Variants in TMOD1 observed in about 807,000 individuals in gnomAD.
TMOD1 encodes the protein tropomodulin-1.
Under a neutral mutation model 40.6 loss-of-function variants are expected in TMOD1, and 17 were observed. That is an observed-to-expected ratio of 0.42 (90% CI 0.29 to 0.63). The LOEUF is 0.63. TMOD1 is among the 20% of genes least tolerant of loss of function. The pLI is 0.22. For missense variants in TMOD1, 391 were observed against 447.6 expected, an observed-to-expected ratio of 0.87 and a Z score of 1.14; for synonymous variants, 181 against 175.0, an observed-to-expected ratio of 1.03 and a Z score of -0.27.
rs112120767 is a variant in TMOD1 at position 97,557,893 on chromosome 9, C to T, written c.397+4493C>T. On this transcript the variant is annotated intron_variant, in intron 4 of 9. Coordinates refer to ENST00000259365, the MANE Select transcript of TMOD1 (RefSeq NM_003275.4). The surrounding 1 kb of genome is among the most constrained non-coding windows in gnomAD (Gnocchi z 4.4). ...CTTAAAAAAAAAAAAAAATCAAGTTCCCCAGTGCTAAATTCAGCCTTGCCA... is the reference window on the plus strand; with the variant it reads ...CTTAAAAAAAAAAAAAAATCAAGTTTCCCAGTGCTAAATTCAGCCTTGCCA... 3.9e-5 allele frequency among the ~76,000 whole-genome samples: 6 copies of T among 152,068 alleles called. No individual in the cohort carries two copies. Among genetic ancestry groups the T allele is most frequent in the African/African-American group, 1.4e-4 (6 of 41,510 alleles).
At chr9:97,549,213 T>A (rs1830412255) in intron 3 of TMOD1, among the ~76,000 whole-genome samples, 1 of 152,218 alleles carries the variant, frequency 6.6e-6, no homozygotes, top group Non-Finnish European at 1.5e-5. Flanking sequence ...TTCTTAGGCA[T>A]TCCAGGGCTA....
chr9:97,581,530 A>G lies in TMOD1; in HGVS notation c.871-9761A>G, dbSNP rs1211076689. Among the ~76,000 whole-genome samples the G allele has an allele frequency of 2.0e-5, 3 of 152,000 alleles. No homozygotes were observed. The East Asian group carries it at 5.8e-4, about 29-fold the overall frequency. On this transcript the variant is annotated intron_variant, in intron 8 of 9. Coordinates refer to ENST00000259365, the MANE Select transcript of TMOD1 (RefSeq NM_003275.4). The stretch of plus-strand genomic sequence containing the variant: ...TACCCAGTGATGGGATGGCTGGGTC[A>G]AATGGTATTTCCAGTTCTAGATCCC...
At chr9:97,517,334 G>A (rs12552808) in intron 1 of TMOD1, among the ~76,000 whole-genome samples, 110,987 of 149,394 alleles carry the variant, frequency 0.74, 41,224 homozygotes, top group Middle Eastern at 0.82. Flanking sequence ...TGGGTGATGG[G>A]GGAAAAAAAA....
At chr9:97,545,573 C>A (rs1021791331) in intron 2 of TMOD1, among the ~76,000 whole-genome samples, 2 of 152,206 alleles carry the variant, frequency 1.3e-5, no homozygotes, top group Non-Finnish European at 2.9e-5. Flanking sequence ...TAGAAGGCAG[C>A]GGGTAGGGCC....
At chr9:97,580,790 T>G (rs1342886146) in intron 8 of TMOD1, among the ~76,000 whole-genome samples, 1 of 152,172 alleles carries the variant, frequency 6.6e-6, no homozygotes, top group Non-Finnish European at 1.5e-5. Flanking sequence ...ATTGCCCTTT[T>G]GTAGCCAAGT....
chr9:97,574,851 T>G (rs1304192166), intron 8 of TMOD1, among the ~76,000 whole-genome samples: 3 of 152,162 alleles, frequency 2.0e-5, no homozygotes, highest in African/African-American at 7.2e-5. Flanking sequence ...ATCTAGCTAA[T>G]CTAGTGGGGA....
At chr9:97,551,014 ATT>A (rs55700746) in intron 3 of TMOD1, among the ~76,000 whole-genome samples, 7 of 104,260 alleles carry the variant, frequency 6.7e-5, no homozygotes, top group African/African-American at 3.0e-4. Context: ...ATATATATAT[ATT>A]TTTTTTTTTT....
chr9:97,593,339 G>T (rs916120013), intron 9 of TMOD1, among the ~76,000 whole-genome samples: 1 of 152,108 alleles, frequency 6.6e-6, no homozygotes, highest in South Asian at 2.1e-4. Context: ...CAAAATTCAG[G>T]CCTGACTCCC....
intron 1 of TMOD1, among the ~76,000 whole-genome samples, chr9:97,510,862 C>T (rs1333435011): frequency 6.6e-6 from 1 of 152,042 alleles, no homozygotes; most frequent in African/African-American, 2.4e-5. Flanking sequence ...GTGGGGAGAG[C>T]TAAGTGTGGC....
chr9:97,549,551 T>C lies in TMOD1; in HGVS notation c.277+3210T>C, dbSNP rs113249909. Among the ~76,000 whole-genome samples the C allele has an allele frequency of 3.1e-3, 472 of 152,350 alleles. 4 individuals carry two copies. Among genetic ancestry groups the C allele is most frequent in the African/African-American group, 0.011 (451 of 41,574 alleles). On this transcript the variant is annotated intron_variant, in intron 3 of 9. Coordinates refer to ENST00000259365, the MANE Select transcript of TMOD1 (RefSeq NM_003275.4). Reference sequence around the variant, plus strand: ...TTTATTTTCCTTGTGTGTTTTCCTCTTTTCTGGATCCCTGGAATCTGATAT... The same window carrying C: ...TTTATTTTCCTTGTGTGTTTTCCTCCTTTCTGGATCCCTGGAATCTGATAT...
intron 1 of TMOD1, chr9:97,512,860 T>G (rs946692182): frequency 5.9e-5 from 9 of 152,158 alleles, no homozygotes; most frequent in African/African-American, 2.2e-4. Flanking sequence ...GTATCTTCAT[T>G]TGAATGTCTA....
At chr9:97,587,744 C>T (rs1470774622) in intron 8 of TMOD1, among the ~76,000 whole-genome samples, 1 of 152,188 alleles carries the variant, frequency 6.6e-6, no homozygotes, top group East Asian at 1.9e-4. Context: ...CATTAGCTCT[C>T]ATTCTGCTTT....
intron 1 of TMOD1, among the ~76,000 whole-genome samples, chr9:97,504,719 T>C (rs1829564527): frequency 6.6e-6 from 1 of 152,198 alleles, no homozygotes; most frequent in African/African-American, 2.4e-5. Flanking sequence ...GACCCTGCTC[T>C]GGGGCCTCAT....
At chr9:97,515,938 T>C (rs530631691) in intron 1 of TMOD1, among the ~76,000 whole-genome samples, 2 of 152,320 alleles carry the variant, frequency 1.3e-5, no homozygotes, top group East Asian at 3.9e-4. Context: ...CAAAGGTCTC[T>C]GCACATCGGA....
In TMOD1 at chr9:97,599,795, A is replaced by G. The variant is rs1826212485; in HGVS notation, c.*97A>G. On this transcript the variant is annotated 3_prime_UTR_variant, in exon 10 of 10. Transcript: ENST00000259365. ...CAGAAGGCAAAATGCTGGCAGCATG[A>G]AACCCTTTTGTGGTTCAGTTCTTTA... 9 of 1,598,180 alleles carry G rather than the reference A, an allele frequency of 5.6e-6. No homozygotes were observed. The highest frequency in any genetic ancestry group is 7.7e-6 in the Non-Finnish European group (9 of 1,170,652).
chr9:97,509,516 TTTG>T (rs1469505010), intron 1 of TMOD1, among the ~76,000 whole-genome samples: 3 of 121,648 alleles, frequency 2.5e-5, no homozygotes, highest in Non-Finnish European at 3.7e-5. Context: ...TTTTTTGTTT[TTTG>T]TTTTTTTTTT....
intron 8 of TMOD1, among the ~76,000 whole-genome samples, chr9:97,581,029 A>G (rs372922503): frequency 2.1e-5 from 3 of 139,702 alleles, no homozygotes; most frequent in South Asian, 2.3e-4. Flanking sequence ...GTTTTAGGGT[A>G]CATGTGCACA....
intron 1 of TMOD1, among the ~76,000 whole-genome samples, chr9:97,523,003 G>A (rs1829940810): frequency 6.6e-6 from 1 of 152,194 alleles, no homozygotes; most frequent in South Asian, 2.1e-4. Flanking sequence ...TGGTGGAGTA[G>A]AGAGCACCCT....
At chr9:97,508,104 C>T (rs1000808137) in intron 1 of TMOD1, among the ~76,000 whole-genome samples, 3 of 142,676 alleles carry the variant, frequency 2.1e-5, no homozygotes, top group Admixed American at 2.1e-4. Context: ...CACACACACA[C>T]AGACTCTGGA....
Sources: allele counts gnomAD v4.1 joint callset (sites outside exome capture counted in the v4.1 genomes callset), GRCh38; gene constraint gnomAD v4.1.1; non-coding constraint Gnocchi (gnomAD v3.1); transcripts MANE v1.5; gene names NCBI Gene and HGNC (gene_info 2026-07-23, HGNC 2026-07-21).